The following ADAMTSL3 variants were observed in gnomAD, a reference collection of about 807,000 sequenced individuals.
The protein encoded by ADAMTSL3 is ADAMTS-like protein 3.
In ADAMTSL3, 128 loss-of-function variants were observed where a neutral mutation model predicts 201.7. That is an observed-to-expected ratio of 0.63 (90% confidence interval 0.55 to 0.73). The LOEUF (loss-of-function observed/expected upper bound fraction) is 0.73, where lower values mean the gene tolerates loss of function less well. Among genes scored for constraint, ADAMTSL3 ranks in the 30% least tolerant of loss-of-function variants. ADAMTSL3 has a pLI of 0.00. For missense variants in ADAMTSL3, 1,990 were observed against 2,119.6 expected (o/e 0.94, Z 1.20); for synonymous variants, 738 against 748.4 (o/e 0.99, Z 0.23).
chr15:83,811,121 C>T (rs74024569), intron 5 of ADAMTSL3, among the ~76,000 whole-genome samples: 1,771 of 152,198 alleles, frequency 0.012, 24 homozygotes, highest in African/African-American at 0.039. Flanking sequence ...ATAATTTCTC[C>T]GTCTCGAGGT....
chr15:83,819,684 G>T, intron 5 of ADAMTSL3, 127 bp from the exon 6 acceptor site: 1 of 659,846 alleles, frequency 1.5e-6, no homozygotes, highest in African/African-American at 1.8e-5. Context: ...AAAAAAGAGG[G>T]AATTAGGTGA....
intron 17 of ADAMTSL3, among the ~76,000 whole-genome samples, chr15:83,925,859 C>G (rs1262391536): frequency 6.6e-6 from 1 of 152,120 alleles, no homozygotes; most frequent in Non-Finnish European, 1.5e-5. Context: ...TTCCCTGAGG[C>G]AGTGAAGATG....
intron 3 of ADAMTSL3, among the ~76,000 whole-genome samples, chr15:83,754,254 G>A (rs1287667812): frequency 1.3e-5 from 2 of 152,162 alleles, no homozygotes; most frequent in Non-Finnish European, 2.9e-5. Flanking sequence ...AATGTTTGTT[G>A]AAATATGTGA....
At chr15:83,713,328 G>A (rs916361146) in intron 3 of ADAMTSL3, among the ~76,000 whole-genome samples, 5 of 152,150 alleles carry the variant, frequency 3.3e-5, no homozygotes, top group Non-Finnish European at 7.3e-5. Flanking sequence ...ACATCTCTGC[G>A]ACTGAATGTG....
chr15:83,704,291 A>G (rs560993934), intron 2 of ADAMTSL3, 98 bp from the exon 3 acceptor site: 5 of 1,552,414 alleles, frequency 3.2e-6, no homozygotes, highest in African/African-American at 2.7e-5. Context: ...TGGTACAGCT[A>G]TTAATGGTGG....
intron 5 of ADAMTSL3, among the ~76,000 whole-genome samples, chr15:83,816,675 A>G (rs191449999): frequency 6.5e-4 from 99 of 152,336 alleles, no homozygotes; most frequent in Admixed American, 7.8e-4. Context: ...GATCCTTCCT[A>G]TGGCCAGATG....
At chr15:83,689,070 G>A (rs1489203395) in intron 2 of ADAMTSL3, among the ~76,000 whole-genome samples, 1 of 152,078 alleles carries the variant, frequency 6.6e-6, no homozygotes, top group Non-Finnish European at 1.5e-5. Context: ...TGATCCACCC[G>A]TCTTGGCCTC....
At chr15:83,746,562 C>G (rs944816460) in intron 3 of ADAMTSL3, among the ~76,000 whole-genome samples, 1 of 152,082 alleles carries the variant, frequency 6.6e-6, no homozygotes, top group Non-Finnish European at 1.5e-5. Context: ...ACATCAACTG[C>G]GGTCTATTGC....
chr15:83,697,263 T>A (rs566992357), intron 2 of ADAMTSL3, among the ~76,000 whole-genome samples: 1 of 152,294 alleles, frequency 6.6e-6, no homozygotes, highest in East Asian at 1.9e-4. Flanking sequence ...AAGTGCTTTT[T>A]CATACTGTCC....
chr15:83,871,067 C>A, intron 9 of ADAMTSL3, 108 bp downstream of exon 9: 1 of 1,270,924 alleles, frequency 7.9e-7, no homozygotes, highest in Non-Finnish European at 1.1e-6. Context: ...GTTTTTTATA[C>A]AGAGCATGTG....
chr15:83,689,345 C>T (rs1376469364), intron 2 of ADAMTSL3, among the ~76,000 whole-genome samples: 3 of 152,196 alleles, frequency 2.0e-5, no homozygotes, highest in Admixed American at 1.3e-4. Flanking sequence ...TCCTTACTCT[C>T]TCCTACTCTC....
chr15:83,754,189 AT>A lies in ADAMTSL3; in HGVS notation c.190-19333del, dbSNP rs1596144389. Among the ~76,000 whole-genome samples the A allele has an allele frequency of 2.0e-5, 3 of 152,304 alleles. No individual in the cohort carries two copies. The South Asian group carries it at 6.2e-4, about 32-fold the overall frequency. Reference sequence around the variant, plus strand: ...GCAACAACCATAAATGTCTCCAGGCATCTCAAAATGTTCCCTGGGGGGCAAA... The same window carrying A: ...GCAACAACCATAAATGTCTCCAGGCACTCAAAATGTTCCCTGGGGGGCAAA... On this transcript the variant is annotated intron_variant, in intron 3 of 29. Coordinates refer to ENST00000286744, the MANE Select transcript of ADAMTSL3 (RefSeq NM_207517.3).
intron 26 of ADAMTSL3, among the ~76,000 whole-genome samples, chr15:84,023,517 C>G (rs1034942193): frequency 6.6e-6 from 1 of 152,170 alleles, no homozygotes. Context: ...ACTGATAGGT[C>G]TTCCAGTACC....
At chr15:83,809,788 A>C (rs374409806) in intron 5 of ADAMTSL3, among the ~76,000 whole-genome samples, 1 of 152,204 alleles carries the variant, frequency 6.6e-6, no homozygotes, top group East Asian at 1.9e-4. Context: ...AATGAGATTG[A>C]TTTATTTTTA....
chr15:83,837,803 A>G (rs1048077041), intron 6 of ADAMTSL3, among the ~76,000 whole-genome samples: 1 of 108,248 alleles, frequency 9.2e-6, no homozygotes, highest in African/African-American at 2.7e-5. Context: ...TCTTGTCTTG[A>G]AAAAAAAAAA....
At chr15:83,811,245 C>A (rs2063691061) in intron 5 of ADAMTSL3, among the ~76,000 whole-genome samples, 1 of 152,152 alleles carries the variant, frequency 6.6e-6, no homozygotes, top group Admixed American at 6.5e-5. Flanking sequence ...CATTATTTTG[C>A]CCAACACAAT....
intron 3 of ADAMTSL3, among the ~76,000 whole-genome samples, chr15:83,720,207 A>AGG (rs1211072383): frequency 6.6e-6 from 1 of 152,198 alleles, no homozygotes; most frequent in Non-Finnish European, 1.5e-5. Flanking sequence ...TGTCAGAGAG[A>AGG]GACTCTGTCT....
chr15:83,975,833 A>C (rs913331811), intron 20 of ADAMTSL3, among the ~76,000 whole-genome samples: 1 of 152,222 alleles, frequency 6.6e-6, no homozygotes, highest in Non-Finnish European at 1.5e-5. Context: ...AAAGTTAGCT[A>C]TAGAGACTCT....
chr15:83,953,526 G>C lies in ADAMTSL3; in HGVS notation c.2490+10444G>C, dbSNP rs11854827. Among the ~76,000 whole-genome samples the C allele has an allele frequency of 9.2e-3, 1,402 of 152,002 alleles. 20 individuals are homozygous for C. Among genetic ancestry groups the C allele is most frequent in the African/African-American group, 0.032 (1,323 of 41,480 alleles). ...AAAGTTGTTGTATTTATTATTTTTT[G>C]ATTGGTTCATCATTTAGACTTTCTA... On this transcript the variant is annotated intron_variant, in intron 19 of 29. Transcript: ENST00000286744.
Sources: gnomAD v4.1 joint callset for allele counts (sites outside exome capture counted in the v4.1 genomes callset) on GRCh38, gnomAD v4.1.1 for gene constraint, MANE v1.5 for transcripts, NCBI Gene and HGNC (gene_info 2026-07-23, HGNC 2026-07-21) for gene names.